ATP2C2: variants seen among roughly 807,000 people sequenced by gnomAD.
ATP2C2 encodes ATPase secretory pathway Ca2+ transporting 2, also known as calcium-transporting ATPase type 2C member 2.
In ATP2C2, 171 loss-of-function variants were observed where a neutral mutation model predicts 110.8. The ratio of observed to expected loss-of-function variants is 1.54; its 90% confidence interval spans 1.36 to 1.75. The LOEUF is 1.75. Ranked by LOEUF, ATP2C2 falls within the 40% of genes most tolerant of loss-of-function variation. The probability of loss-of-function intolerance (pLI) is 0.00; values close to 1 mark genes in which losing one functional copy is unlikely to be tolerated. For synonymous variants in ATP2C2, 804 were observed against 508.4 expected (o/e 1.58, Z -7.82); for missense variants, 1,963 against 1,235.0 (o/e 1.59, Z -8.84).
At chr16:84,449,994 G>T (rs1910111197) in intron 17 of ATP2C2, among the ~76,000 whole-genome samples, 1 of 152,254 alleles carries the variant, frequency 6.6e-6, no homozygotes, top group Non-Finnish European at 1.5e-5. Flanking sequence ...GCCGGCCCAG[G>T]TGACACAGCC....
At chr16:84,440,731 C>A in intron 13 of ATP2C2, 126 bp from the exon 14 acceptor site, 1 of 700,342 alleles carries the variant, frequency 1.4e-6, no homozygotes. Context: ...CATCTTCATA[C>A]TGAAAGCCCT....
At chr16:84,382,231 C>G (rs1201239721) in intron 1 of ATP2C2, among the ~76,000 whole-genome samples, 2 of 152,082 alleles carry the variant, frequency 1.3e-5, no homozygotes, top group Non-Finnish European at 2.9e-5. Flanking sequence ...TGAGAACATA[C>G]GGTGTTTGGT....
intron 14 of ATP2C2, 80 bp downstream of exon 14, chr16:84,441,038 C>T: frequency 8.3e-7 from 1 of 1,199,764 alleles, no homozygotes; most frequent in Non-Finnish European, 1.2e-6. Context: ...GGGAAACAGC[C>T]ATTGAACCTA....
In ATP2C2 at chr16:84,460,769, A is replaced by G. The variant is rs1911238818; in HGVS notation, c.2449A>G (p.Ile817Val). The change falls in exon 24 of 27, where the codon ATC becomes GTC. Residue 817 changes from isoleucine to valine, a missense_variant. Physicochemically the swap from Ile to Val is conservative, Grantham distance 29. Coordinates refer to ENST00000262429, the MANE Select transcript of ATP2C2 (RefSeq NM_014861.4). ...GATCCTCATGTCCGCGGCCATCATCATCAGCGGGACCCTCTTTATCTTCTG... is the reference window on the plus strand; with the variant it reads ...GATCCTCATGTCCGCGGCCATCATCGTCAGCGGGACCCTCTTTATCTTCTG... ...LKILMSAAIIISGTLFIFWKE... is the reference protein window; with the variant it reads ...LKILMSAAIIVSGTLFIFWKE... 11 of 1,613,966 alleles carry G rather than the reference A, an allele frequency of 6.8e-6. No homozygotes were observed. The highest frequency in any genetic ancestry group is 9.3e-6 in the Non-Finnish European group (11 of 1,179,902).
chr16:84,449,149 C>T (rs189516767), intron 17 of ATP2C2, among the ~76,000 whole-genome samples: 4 of 152,344 alleles, frequency 2.6e-5, no homozygotes, highest in African/African-American at 9.6e-5. Context: ...TCATTTGTCA[C>T]CCTGGCCAGT....
rs565895763 is a variant in ATP2C2, at chr16:84,411,659, C to T, written c.515+894C>T. Reference sequence around the variant, plus strand: ...GTTTCGCCACGTTGGCTAGGCTCGTCTCGACCTCCTGACCTCAGATGATCT... The same window carrying T: ...GTTTCGCCACGTTGGCTAGGCTCGTTTCGACCTCCTGACCTCAGATGATCT... On this transcript the variant is annotated intron_variant, in intron 6 of 26. Transcript: ENST00000262429. Among the ~76,000 whole-genome samples the T allele has an allele frequency of 5.3e-5, 8 of 152,336 alleles. No individual in the cohort carries two copies. The East Asian group carries it at 1.5e-3, about 29-fold the overall frequency.
At position 84,453,188 on chromosome 16, in the gene ATP2C2, G is replaced by C. The variant is rs1369564921; in HGVS notation, c.1882G>C (p.Glu628Gln). 1 of 1,614,012 alleles carries C rather than the reference G, an allele frequency of 6.2e-7. No homozygotes were observed. Among genetic ancestry groups the C allele is most frequent in the Middle Eastern group, 1.6e-4 (1 of 6,062 alleles). ...NGKLQAMSGE[E>Q]VDSVEKGELA... ...GAAGCTGCAAGCCATGTCCGGGGAG[G>C]AGGTGGACAGCGTGGAGAAGGGCGA... The change falls in exon 19 of 27, where the codon GAG (glutamate) becomes CAG (glutamine). Residue 628 changes from glutamate (E) to glutamine (Q), a missense_variant. Coordinates refer to ENST00000262429, the MANE Select transcript of ATP2C2 (RefSeq NM_014861.4).
chr16:84,378,231 C>T (rs531406561), intron 1 of ATP2C2, among the ~76,000 whole-genome samples: 1 of 152,184 alleles, frequency 6.6e-6, no homozygotes, highest in African/African-American at 2.4e-5. Flanking sequence ...CCAGCTGGAC[C>T]GAATCTGGGG....
At chr16:84,415,624 T>C (rs1301627163) in intron 7 of ATP2C2, 33 bp downstream of exon 7, 1 of 1,556,502 alleles carries the variant, frequency 6.4e-7, no homozygotes, top group African/African-American at 1.4e-5. Context: ...CAATGGGGTA[T>C]TTGATGGAGC....
intron 7 of ATP2C2, among the ~76,000 whole-genome samples, chr16:84,418,699 C>T (rs1026565254): frequency 1.1e-4 from 17 of 152,324 alleles, no homozygotes; most frequent in Non-Finnish European, 1.8e-4. Context: ...GCTCCGCAGC[C>T]CATGTCCTTA....
At chr16:84,399,600 A>G (rs1220760193) in intron 2 of ATP2C2, among the ~76,000 whole-genome samples, 1 of 152,130 alleles carries the variant, frequency 6.6e-6, no homozygotes, top group East Asian at 1.9e-4. Context: ...GCACAATATA[A>G]TTGTTTTAGC....
rs138074751 is a variant in ATP2C2, at chr16:84,384,956, G to T, written c.100-13543G>T. Among the ~76,000 whole-genome samples the T allele has an allele frequency of 3.3e-3, 498 of 152,344 alleles. 1 individual carries two copies. The highest frequency in any genetic ancestry group is 4.9e-3 in the Non-Finnish European group (330 of 68,032). On this transcript the variant is annotated intron_variant, in intron 1 of 26. Coordinates refer to ENST00000262429, the MANE Select transcript of ATP2C2 (RefSeq NM_014861.4). ...CCCAGCTACCTAGGAGGCTGAGGCA[G>T]GAGTATAGTTTGAACCCAGGAGGCG...
intron 7 of ATP2C2, among the ~76,000 whole-genome samples, chr16:84,421,802 A>C (rs1907363961): frequency 6.6e-6 from 1 of 152,216 alleles, no homozygotes; most frequent in South Asian, 2.1e-4. Context: ...AATGGGGAAG[A>C]TAGTAGAGTC....
At chr16:84,452,606 C>G (rs151038237) in intron 18 of ATP2C2, among the ~76,000 whole-genome samples, 89 of 147,834 alleles carry the variant, frequency 6.0e-4, no homozygotes, top group African/African-American at 1.8e-3. Context: ...TCAAGCAATT[C>G]TCCTGCCTCA....
chr16:84,394,633 T>C (rs1200635010), intron 1 of ATP2C2, among the ~76,000 whole-genome samples: 1 of 152,122 alleles, frequency 6.6e-6, no homozygotes, highest in Non-Finnish European at 1.5e-5. Context: ...AGGGCTGTGC[T>C]CTCTCTGGAG....
intron 15 of ATP2C2, among the ~76,000 whole-genome samples, chr16:84,446,054 C>G (rs1214743311): frequency 1.3e-5 from 2 of 152,190 alleles, no homozygotes; most frequent in Non-Finnish European, 2.9e-5. Context: ...AAACATTCCT[C>G]CCGGCAGAAA....
At chr16:84,454,771 G>C in intron 20 of ATP2C2, 47 bp from the exon 21 acceptor site, 1 of 1,525,870 alleles carries the variant, frequency 6.6e-7, no homozygotes, top group Non-Finnish European at 8.8e-7. Context: ...CGGGCACTGG[G>C]AGGTGGTCGT....
At chr16:84,454,671 T>A in intron 20 of ATP2C2, 147 bp from the exon 21 acceptor site, 2 of 811,062 alleles carry the variant, frequency 2.5e-6, no homozygotes, top group Non-Finnish European at 3.6e-6. Flanking sequence ...CTCGCCCAAT[T>A]CCCACAGCTA....
chr16:84,369,345 GTTCCTTGGA>G (rs1567678857), intron 1 of ATP2C2, among the ~76,000 whole-genome samples: 1 of 152,162 alleles, frequency 6.6e-6, no homozygotes, highest in East Asian at 1.9e-4. Flanking sequence ...AGCCCCTCCT[GTTCCTTGGA>G]TTCTTGGAAG....
Sources: allele counts gnomAD v4.1 joint callset (sites outside exome capture counted in the v4.1 genomes callset), GRCh38; gene constraint gnomAD v4.1.1; transcripts MANE v1.5; gene names NCBI Gene and HGNC (gene_info 2026-07-23, HGNC 2026-07-21).